PARP9: variants seen among roughly 807,000 people sequenced by gnomAD.
The protein encoded by PARP9 is protein mono-ADP-ribosyltransferase PARP9.
PARP9 carries 48 observed loss-of-function variants against 68.8 expected under a neutral mutation model. That is an observed-to-expected ratio of 0.70 (90% CI 0.55 to 0.89). PARP9 has a LOEUF of 0.89. PARP9 is among the 40% of genes least tolerant of loss of function. PARP9 has a pLI of 0.00. For synonymous variants in PARP9, 309 were observed against 333.8 expected (o/e 0.93, Z 0.81); for missense variants, 806 against 969.3 (o/e 0.83, Z 2.24).
intron 8 of PARP9, among the ~76,000 whole-genome samples, chr3:122,538,359 T>A (rs2077814129): frequency 6.6e-6 from 1 of 152,202 alleles, no homozygotes; most frequent in Non-Finnish European, 1.5e-5. Flanking sequence ...AAGAGTGGCA[T>A]AAAAGAGAGG....
At chr3:122,536,736 A>G (rs2077673795) in intron 9 of PARP9, 198 bp downstream of exon 9, 2 of 623,396 alleles carry the variant, frequency 3.2e-6, no homozygotes, top group Non-Finnish European at 5.3e-6. Flanking sequence ...GTGTGTCCTG[A>G]TGTCATTCCT....
intron 1 of PARP9, among the ~76,000 whole-genome samples, chr3:122,560,088 C>T (rs1024918996): frequency 1.3e-5 from 2 of 152,038 alleles, no homozygotes; most frequent in African/African-American, 2.4e-5. Context: ...TAAAGAAGAC[C>T]GAGCTTATGA....
intron 4 of PARP9, 60 bp downstream of exon 4, chr3:122,555,226 A>G: frequency 6.8e-7 from 1 of 1,480,632 alleles, no homozygotes; most frequent in African/African-American, 1.4e-5. Flanking sequence ...TACACTCAAA[A>G]ATTATTTAAT....
chr3:122,536,541 C>T, intron 9 of PARP9, 199 bp from the exon 10 acceptor site: 2 of 1,006,570 alleles, frequency 2.0e-6, no homozygotes, highest in Non-Finnish European at 2.8e-6. Flanking sequence ...AAATTCCCTG[C>T]CCCTTCTCTA....
At position 122,540,673 on chromosome 3, in the gene PARP9, T is replaced by G; in HGVS notation, c.1564A>C (p.Lys522Gln). ...ENNHILYLGR[K>Q]EHDILSQLQK... ...AGCTGAGACAAAATGTCATGTTCCTTTCTCCCAAGGTACAGAATATGATTA... is the reference window on the plus strand; with the variant it reads ...AGCTGAGACAAAATGTCATGTTCCTGTCTCCCAAGGTACAGAATATGATTA... Residue 522 changes from lysine to glutamine, a missense_variant, in exon 8 of 11, where the codon AAG (lysine) becomes CAG (glutamine). Lys to Gln is a moderately conservative substitution (Grantham distance 53). Coordinates refer to ENST00000682323, the MANE Select transcript of PARP9 (RefSeq NM_001146105.2). 1 of 1,614,174 alleles carries G rather than the reference T, an allele frequency of 6.2e-7. No individual in the cohort carries two copies. Among genetic ancestry groups the G allele is most frequent in the Non-Finnish European group, 8.5e-7 (1 of 1,180,024 alleles).
intron 8 of PARP9, among the ~76,000 whole-genome samples, chr3:122,537,534 C>A (rs115121414): frequency 2.6e-5 from 4 of 152,104 alleles, no homozygotes; most frequent in Non-Finnish European, 5.9e-5. Context: ...AGCACCACCA[C>A]GTAATAATTA....
chr3:122,549,643 T>C (rs1046755803), intron 6 of PARP9, among the ~76,000 whole-genome samples: 30 of 152,060 alleles, frequency 2.0e-4, no homozygotes, highest in African/African-American at 6.0e-4. Context: ...TAGCCAGGCA[T>C]GGTAGCATGT....
chr3:122,547,601 C>T (rs140621374), intron 6 of PARP9, among the ~76,000 whole-genome samples: 118 of 152,008 alleles, frequency 7.8e-4, no homozygotes, highest in African/African-American at 2.6e-3. Context: ...GTCTGTAATC[C>T]CAGAATTTTG....
rs2079579283 is a variant in PARP9 at position 122,555,753 on chromosome 3, CT to C, written c.417del (p.Val140CysfsTer6). ...ESKQFVARYGKVSAGEIAVTG... is the reference protein window; with the variant it reads ...ESKQFVARYGXVSAGEIAVTG... ...GTGACAGCTATCTCACCAGCTGACA[CT>C]TTACCATATCTGGCAACAAACTGTT... is the stretch of plus-strand genomic sequence containing the variant. On this transcript the variant is annotated frameshift_variant, in exon 4 of 11. Transcript: ENST00000682323. LOFTEE classifies it high-confidence loss of function. 6.2e-7 allele frequency: 1 copy of C among 1,614,072 alleles called. No homozygotes were observed. Among genetic ancestry groups the C allele is most frequent in the Non-Finnish European group, 8.5e-7 (1 of 1,180,024 alleles).
intron 1 of PARP9, among the ~76,000 whole-genome samples, chr3:122,562,907 GTACA>G (rs2080362098): frequency 6.6e-6 from 1 of 152,082 alleles, no homozygotes; most frequent in Non-Finnish European, 1.5e-5. Context: ...GAACATCTTT[GTACA>G]CAGGTCACTT....
chr3:122,528,741 G>C lies in PARP9; in HGVS notation c.2083C>G (p.Pro695Ala). 1 of 1,574,390 alleles carries C rather than the reference G, an allele frequency of 6.4e-7. No homozygotes were observed. The highest frequency in any genetic ancestry group is 1.2e-5 in the South Asian group (1 of 85,036). The change falls in exon 11 of 11, where the codon CCA (proline) becomes GCA (alanine). Residue 695 changes from proline to alanine, a missense_variant and splice_region_variant. Physicochemically the swap from Pro to Ala is conservative, Grantham distance 27. Coordinates refer to ENST00000682323, the MANE Select transcript of PARP9 (RefSeq NM_001146105.2). ...FQRMYSTPCD[P>A]KYGAGIYFTK... is the part of the protein sequence containing the mutation. Reference sequence around the variant, plus strand: ...AAGTATATGCCAGCTCCGTATTTTGGATCTGATAAAGGAAAAAATAAAATA... The same window carrying C: ...AAGTATATGCCAGCTCCGTATTTTGCATCTGATAAAGGAAAAAATAAAATA...
chr3:122,560,374 CTTTGTTTGTTTT>C (rs139558087), intron 1 of PARP9, among the ~76,000 whole-genome samples: 7,158 of 151,888 alleles, frequency 0.047, 537 homozygotes, highest in African/African-American at 0.16. Context: ...GAAATGATTT[CTTTGTTTGTTTT>C]TTTGTTTGTT....
At chr3:122,562,900 C>T (rs2080360695) in intron 1 of PARP9, among the ~76,000 whole-genome samples, 1 of 152,164 alleles carries the variant, frequency 6.6e-6, no homozygotes, top group African/African-American at 2.4e-5. Context: ...CTGTAAAGAA[C>T]ATCTTTGTAC....
chr3:122,555,996 T>G lies in PARP9; in HGVS notation c.175A>C (p.Thr59Pro). The part of the protein sequence containing the change: ...VLQNKFGCIS[T>P]LVSPVQEGNS... ...CCTTCCTGAACTGGAGAGACCAGGG[T>G]AGAGATACAGCCAAACTTATTCTGG... The change falls in exon 4 of 11, where the codon ACC becomes CCC. Residue 59 changes from threonine to proline, a missense_variant. Around this residue, in one of 2 missense-constraint regions of PARP9, gnomAD observed 126 missense variants for 110.5 expected, o/e 1.14. Coordinates refer to ENST00000682323, the MANE Select transcript of PARP9 (RefSeq NM_001146105.2). 1 of 1,613,922 alleles carries G rather than the reference T, an allele frequency of 6.2e-7. No individual in the cohort carries two copies. The highest frequency in any genetic ancestry group is 1.1e-5 in the South Asian group (1 of 91,076).
chr3:122,535,680 T>G (rs2077582633), intron 10 of PARP9: 1 of 988,296 alleles, frequency 1.0e-6, no homozygotes, highest in South Asian at 4.7e-5. Flanking sequence ...TGTTATGCAC[T>G]TCACCTGCCA....
upstream of PARP9, chr3:122,564,359 A>C: frequency 6.6e-7 from 1 of 1,507,762 alleles, no homozygotes; most frequent in Non-Finnish European, 8.9e-7. Flanking sequence ...CCCAGTCCGC[A>C]GGGCGGGCCG....
At chr3:122,547,882 T>C (rs1422690950) in intron 6 of PARP9, among the ~76,000 whole-genome samples, 1 of 152,038 alleles carries the variant, frequency 6.6e-6, no homozygotes, top group Non-Finnish European at 1.5e-5. Flanking sequence ...AAAGAAATAG[T>C]TCAGGGAGGT....
At chr3:122,562,187 T>C (rs887091092) in intron 1 of PARP9, among the ~76,000 whole-genome samples, 1 of 125,652 alleles carries the variant, frequency 8.0e-6, no homozygotes, top group African/African-American at 2.6e-5. Context: ...TCTTTTCTTT[T>C]CTTTTCTTTT....
Position 122,545,495 on chromosome 3 carries a change from A to G in PARP9, c.1327-6T>C, listed in dbSNP as rs769035728. On this transcript the variant is annotated splice_polypyrimidine_tract_variant and splice_region_variant and intron_variant, in intron 6 of 10. Coordinates refer to ENST00000682323, the MANE Select transcript of PARP9 (RefSeq NM_001146105.2). ...GCCATTTCAGAACTGAAAGCCTACA[A>G]GAAGCAAAACAGAGCAGAGAGTCAT... 7 of 1,614,084 alleles carry G rather than the reference A, an allele frequency of 4.3e-6. No individual in the cohort carries two copies. Among genetic ancestry groups the G allele is most frequent in the Non-Finnish European group, 5.1e-6 (6 of 1,180,034 alleles).
Sources: gnomAD v4.1 joint callset for allele counts (sites outside exome capture counted in the v4.1 genomes callset) on GRCh38, gnomAD v4.1.1 for gene constraint, gnomAD v4.1.1 regional missense constraint, MANE v1.5 for transcripts, NCBI Gene and HGNC (gene_info 2026-07-23, HGNC 2026-07-21) for gene names.